The following RPGRIP1 variants were observed in gnomAD, a reference collection of about 807,000 sequenced individuals.
RPGRIP1 encodes the protein RPGR interacting protein 1.
RPGRIP1 carries 128 observed loss-of-function variants against 157.9 expected under a neutral mutation model. The observed-to-expected ratio is 0.81, with a 90% CI of 0.70 to 0.94. The LOEUF (loss-of-function observed/expected upper bound fraction) is 0.94, where lower values mean the gene tolerates loss of function less well. Among genes scored for constraint, RPGRIP1 ranks in the 40% least tolerant of loss-of-function variants. The pLI is 0.00. For missense variants in RPGRIP1, 1,486 were observed against 1,545.8 expected (o/e 0.96, Z 0.65); for synonymous variants, 554 against 571.6 (o/e 0.97, Z 0.44).
Position 21,324,894 on chromosome 14 carries a change from C to T in RPGRIP1, c.2039C>T (p.Ser680Phe), listed in dbSNP as rs750676935. 6.2e-7 allele frequency: 1 copy of T among 1,614,060 alleles called. No homozygotes were observed. Residue 680 changes from serine to phenylalanine, a missense_variant, in exon 15 of 25, where the codon TCC (serine) becomes TTC (phenylalanine). Ser to Phe is a radical substitution (Grantham distance 155). Transcript: ENST00000400017. ...VGPQPLYDFTSQYVMETDSLF... is the reference protein window; with the variant it reads ...VGPQPLYDFTFQYVMETDSLF... ...CCACAGCCCCTCTATGACTTCACCT[C>T]CCAGTATGTGATGGAGACAGATTCG...
intron 24 of RPGRIP1, 122 bp from the exon 25 acceptor site, chr14:21,350,982 G>T: frequency 3.4e-6 from 2 of 590,404 alleles, no homozygotes; most frequent in East Asian, 2.8e-5. Context: ...TCCTTCACTA[G>T]ATTGAGTCCT....
intron 13 of RPGRIP1, 183 bp downstream of exon 13, chr14:21,321,585 G>A (rs1882477193): frequency 7.8e-7 from 1 of 1,279,926 alleles, no homozygotes; most frequent in Non-Finnish European, 1.0e-6. Flanking sequence ...ACGGCACCTT[G>A]GCACTAGGAG....
intron 10 of RPGRIP1, among the ~76,000 whole-genome samples, chr14:21,313,787 G>A (rs1355339017): frequency 1.0e-3 from 135 of 130,870 alleles, no homozygotes; most frequent in African/African-American, 3.5e-3. Context: ...GACTTCCTCT[G>A]AAAAAAAAAA....
At chr14:21,302,125 C>T (rs1445408533) in intron 4 of RPGRIP1, among the ~76,000 whole-genome samples, 2 of 152,136 alleles carry the variant, frequency 1.3e-5, no homozygotes, top group Non-Finnish European at 2.9e-5. Context: ...AAGTAGAAAA[C>T]TTGCATGAAT....
rs188864943 is a variant in RPGRIP1 at position 21,281,331 on chromosome 14, C to T, written c.-39+1172C>T. ...GCCACCACACCTGCCCAATCTTGGGCTAATTAAAATATGTATTACCTCATA... is the reference window on the plus strand; with the variant it reads ...GCCACCACACCTGCCCAATCTTGGGTTAATTAAAATATGTATTACCTCATA... On this transcript the variant is annotated intron_variant, in intron 1 of 24. Transcript: ENST00000400017. Among the ~76,000 whole-genome samples, 545 of 152,140 alleles carry T rather than the reference C, an allele frequency of 3.6e-3. 2 individuals carry two copies. The highest frequency in any genetic ancestry group is 5.2e-3 in the Non-Finnish European group (351 of 68,000).
intron 21 of RPGRIP1, among the ~76,000 whole-genome samples, chr14:21,342,735 T>A (rs923272876): frequency 1.3e-5 from 2 of 152,112 alleles, no homozygotes; most frequent in Admixed American, 1.3e-4. Context: ...ACATTTTTTT[T>A]TATTCTTTCT....
chr14:21,303,993 AAAAAAAAAG>A (rs1015034309), intron 6 of RPGRIP1, among the ~76,000 whole-genome samples: 3 of 137,024 alleles, frequency 2.2e-5, no homozygotes, highest in Non-Finnish European at 4.8e-5. Flanking sequence ...GGTCTCAAAA[AAAAAAAAAG>A]AAAAGAAAAG....
intron 23 of RPGRIP1, 40 bp from the exon 24 acceptor site, chr14:21,348,132 G>C (rs962694632): frequency 2.1e-6 from 3 of 1,460,084 alleles, no homozygotes; most frequent in Admixed American, 5.0e-5. Flanking sequence ...GAAGCATTAA[G>C]AGTATCAACA....
chr14:21,317,505 G>A, intron 10 of RPGRIP1, 191 bp from the exon 11 acceptor site: 1 of 1,410,120 alleles, frequency 7.1e-7, no homozygotes, highest in Non-Finnish European at 9.5e-7. Flanking sequence ...ATGGTACTGA[G>A]CAATAACTCA....
chr14:21,305,556 G>A (rs1881264433), intron 6 of RPGRIP1, among the ~76,000 whole-genome samples: 1 of 152,100 alleles, frequency 6.6e-6, no homozygotes, highest in Non-Finnish European at 1.5e-5. Flanking sequence ...TCAACCTGGA[G>A]ATATTTTAAA....
Position 21,325,928 on chromosome 14 carries a change from C to T in RPGRIP1, c.2465C>T (p.Pro822Leu). The change falls in exon 17 of 25, where the codon CCA (proline) becomes CTA (leucine). Residue 822 changes from proline to leucine, a missense_variant. Transcript: ENST00000400017. Reference protein sequence around the residue: ...RSRWLGTQPSPYAVYRFFTFS... With the variant: ...RSRWLGTQPSLYAVYRFFTFS... ...CGATGGCTGGGAACTCAACCCAGTC[C>T]ATATGCTGTGTACCGCTTCTTCACC... 1 of 1,613,940 alleles carries T rather than the reference C, an allele frequency of 6.2e-7. No homozygotes were observed. The highest frequency in any genetic ancestry group is 8.5e-7 in the Non-Finnish European group (1 of 1,179,826).
Position 21,335,046 on chromosome 14 carries a change from CAAAAAAA to C in RPGRIP1, c.3339+360_3339+366del, listed in dbSNP as rs869065591. On this transcript the variant is annotated intron_variant, in intron 21 of 24. Transcript: ENST00000400017. ...GGGCAACAAGAGCAAAACTCTGTCTCAAAAAAAAAAAAAAAAAAAAAAAAAGCAATAA... is the reference window on the plus strand; with the variant it reads ...GGGCAACAAGAGCAAAACTCTGTCTCAAAAAAAAAAAAAAAAAAGCAATAA... Among the ~76,000 whole-genome samples, 271 of 28,062 alleles carry C rather than the reference CAAAAAAA, an allele frequency of 9.7e-3. 7 individuals carry two copies. Among genetic ancestry groups the C allele is most frequent in the Non-Finnish European group, 5.8e-3 (78 of 13,478 alleles). 18.4% of individuals were successfully genotyped at this position (28,062 alleles called of 152,430 possible).
At chr14:21,330,704 A>G (rs1485888283) in intron 20 of RPGRIP1, among the ~76,000 whole-genome samples, 3 of 152,232 alleles carry the variant, frequency 2.0e-5, no homozygotes, top group South Asian at 4.1e-4. Context: ...TTTCTGTTTA[A>G]TCATTTAATT....
intron 2 of RPGRIP1, among the ~76,000 whole-genome samples, chr14:21,292,623 C>T (rs1880580865): frequency 6.6e-6 from 1 of 151,882 alleles, no homozygotes; most frequent in Non-Finnish European, 1.5e-5. Context: ...AGGCGGATCA[C>T]CTGAGGTCAG....
chr14:21,308,162 G>A (rs1176586506), intron 7 of RPGRIP1, among the ~76,000 whole-genome samples: 1 of 152,202 alleles, frequency 6.6e-6, no homozygotes. Context: ...GAAGCCAAAA[G>A]CAGTCACAGG....
intron 1 of RPGRIP1, among the ~76,000 whole-genome samples, chr14:21,287,504 G>T (rs1288054724): frequency 1.3e-5 from 2 of 152,112 alleles, no homozygotes; most frequent in African/African-American, 4.8e-5. Context: ...TTCAGCGAGG[G>T]TCATTTGTCT....
chr14:21,328,399 T>C (rs767467414), intron 18 of RPGRIP1, 25 bp from the exon 19 acceptor site: 13 of 1,560,082 alleles, frequency 8.3e-6, no homozygotes, highest in Non-Finnish European at 9.6e-6. Flanking sequence ...CAGCTTGTAA[T>C]GCTATCTCTG....
chr14:21,340,086 G>A (rs1186220562), intron 21 of RPGRIP1, among the ~76,000 whole-genome samples: 1 of 152,202 alleles, frequency 6.6e-6, no homozygotes, highest in Non-Finnish European at 1.5e-5. Context: ...CATGTACTGG[G>A]TAGACTGTAC....
intron 11 of RPGRIP1, chr14:21,318,131 A>T: frequency 1.8e-6 from 1 of 567,742 alleles, no homozygotes. Flanking sequence ...TTTGAGGTGG[A>T]GTTTCGCTCT....
Sources: allele counts gnomAD v4.1 joint callset (sites outside exome capture counted in the v4.1 genomes callset), GRCh38; gene constraint gnomAD v4.1.1; transcripts MANE v1.5; gene names NCBI Gene and HGNC (gene_info 2026-07-23, HGNC 2026-07-21).